Variants in DPP10 observed in about 807,000 individuals in gnomAD.
DPP10 encodes the protein dipeptidyl peptidase like 10, also known as inactive dipeptidyl peptidase 10.
A neutral mutation model predicts 120.9 loss-of-function variants in DPP10; 33 were observed. That is an observed-to-expected ratio of 0.27 (90% CI 0.21 to 0.37). The LOEUF is 0.37. DPP10 is among the 10% of genes least tolerant of loss of function. The pLI is 1.00. For missense variants in DPP10, 816 were observed against 942.8 expected (o/e 0.87, Z 1.76); for synonymous variants, 337 against 326.1 (o/e 1.03, Z -0.36).
intron 1 of DPP10, among the ~76,000 whole-genome samples, chr2:114,757,399 A>G (rs76957038): frequency 0.015 from 2,233 of 149,070 alleles, 75 homozygotes; most frequent in African/African-American, 0.053. Flanking sequence ...AGGGAGGGAG[A>G]GAGAGAGAGG....
chr2:114,732,988 C>A (rs1352981179), intron 1 of DPP10, among the ~76,000 whole-genome samples: 1 of 152,170 alleles, frequency 6.6e-6, no homozygotes, highest in Non-Finnish European at 1.5e-5. Flanking sequence ...ACTGCACCCA[C>A]TGCTGCCTTC....
chr2:115,342,903 C>T (rs1200254307), intron 2 of DPP10, among the ~76,000 whole-genome samples: 1 of 152,074 alleles, frequency 6.6e-6, no homozygotes, highest in Non-Finnish European at 1.5e-5. Context: ...GCCTTTTCAG[C>T]TAGAAAAAAG....
chr2:114,645,454 CA>C (rs1434696281), intron 1 of DPP10, among the ~76,000 whole-genome samples: 5 of 152,178 alleles, frequency 3.3e-5, no homozygotes, highest in African/African-American at 1.2e-4. Context: ...GTACTGTTTA[CA>C]GCACGAGAAC....
intron 2 of DPP10, among the ~76,000 whole-genome samples, chr2:115,310,323 C>CA (rs1434816139): frequency 6.6e-6 from 1 of 152,000 alleles, no homozygotes; most frequent in African/African-American, 2.4e-5. Flanking sequence ...TCCTGATGTA[C>CA]AAAATATGAT....
At chr2:114,649,635 A>AT (rs1292973773) in intron 1 of DPP10, among the ~76,000 whole-genome samples, 1 of 152,070 alleles carries the variant, frequency 6.6e-6, no homozygotes, top group East Asian at 1.9e-4. Flanking sequence ...GGATCCTGAG[A>AT]TTTTTTGAAA....
intron 3 of DPP10, among the ~76,000 whole-genome samples, chr2:115,391,441 A>G (rs556525440): frequency 1.3e-5 from 2 of 152,270 alleles, no homozygotes; most frequent in East Asian, 1.9e-4. Flanking sequence ...TACCAGATGT[A>G]GAAGGAAAGG....
At chr2:115,637,080 G>A (rs1294387881) in intron 5 of DPP10, among the ~76,000 whole-genome samples, 1 of 151,936 alleles carries the variant, frequency 6.6e-6, no homozygotes, top group Non-Finnish European at 1.5e-5. Flanking sequence ...TCTGGGATAA[G>A]CCAAAAACAA....
intron 1 of DPP10, among the ~76,000 whole-genome samples, chr2:115,030,516 C>G (rs1559013482): frequency 6.6e-6 from 1 of 152,052 alleles, no homozygotes; most frequent in Non-Finnish European, 1.5e-5. Flanking sequence ...GGTATGTGTA[C>G]AGAATGTGTA....
chr2:115,343,223 T>C (rs1403100081), intron 2 of DPP10, among the ~76,000 whole-genome samples: 1 of 152,204 alleles, frequency 6.6e-6, no homozygotes, highest in Non-Finnish European at 1.5e-5. Flanking sequence ...AAAAGACTAG[T>C]ATGAAATGTG....
chr2:115,308,693 G>GTTTTTTTTTTTT (rs3068805), intron 1 of DPP10, among the ~76,000 whole-genome samples: 1 of 126,642 alleles, frequency 7.9e-6, no homozygotes, highest in Non-Finnish European at 1.7e-5. Flanking sequence ...ACTAAATCCT[G>GTTTTTTTTTTTT]TTTTTTTTTT....
At chr2:114,886,774 T>C (rs1332626179) in intron 1 of DPP10, among the ~76,000 whole-genome samples, 1 of 152,196 alleles carries the variant, frequency 6.6e-6, no homozygotes, top group East Asian at 1.9e-4. Flanking sequence ...CAATGCCTAT[T>C]CTGCAGTCAT....
At chr2:115,737,154 C>T (rs185369349) in intron 8 of DPP10, among the ~76,000 whole-genome samples, 123 of 152,216 alleles carry the variant, frequency 8.1e-4, no homozygotes, top group African/African-American at 2.7e-3. Flanking sequence ...ACCAGGCCCG[C>T]GTTTATTTCT....
intron 11 of DPP10, among the ~76,000 whole-genome samples, chr2:115,755,050 T>A (rs1679224653): frequency 6.6e-6 from 1 of 152,114 alleles, no homozygotes; most frequent in South Asian, 2.1e-4. Context: ...CACCTCATCA[T>A]GATATAAAAC....
rs2083542515 is a variant in DPP10, at chr2:115,604,101, T to G, written c.441+78129T>G. 5.7e-5 allele frequency among the ~76,000 whole-genome samples: 5 copies of G among 87,420 alleles called. No individual in the cohort carries two copies. In the South Asian group the frequency reaches 1.9e-3, roughly 33 times the overall value. The allele number at this position is 87,420 out of a possible 152,430, so 57.4% of individuals were successfully genotyped here. On this transcript the variant is annotated intron_variant, in intron 5 of 25. Transcript: ENST00000410059. ...GCTGTTTTTTTTTTTTTTTTTTTTT[T>G]TTTTTAAGATGGTAGCTTTTGAGAC... is the stretch of plus-strand genomic sequence containing the variant.
At chr2:115,511,710 C>A (rs1345860883) in intron 4 of DPP10, among the ~76,000 whole-genome samples, 1 of 124,742 alleles carries the variant, frequency 8.0e-6, no homozygotes, top group Non-Finnish European at 1.6e-5. Context: ...CTTTCTTCTT[C>A]TTCTTCTTCT....
At chr2:114,512,712 A>C (rs1573533675) in intron 1 of DPP10, among the ~76,000 whole-genome samples, 1 of 152,210 alleles carries the variant, frequency 6.6e-6, no homozygotes, top group East Asian at 1.9e-4. Flanking sequence ...AGGGAGTACT[A>C]ATTCGTCATC....
At chr2:114,936,686 G>T (rs889000495) in intron 1 of DPP10, among the ~76,000 whole-genome samples, 4 of 152,004 alleles carry the variant, frequency 2.6e-5, no homozygotes, top group Non-Finnish European at 2.9e-5. Context: ...CACTGTAGTT[G>T]TACTATTCAC....
At chr2:114,919,637 G>C (rs147132943) in intron 1 of DPP10, among the ~76,000 whole-genome samples, 39 of 152,246 alleles carry the variant, frequency 2.6e-4, no homozygotes, top group African/African-American at 9.1e-4. Flanking sequence ...GAAATAATCA[G>C]CCAAAGTTTG....
chr2:115,488,991 A>G lies in DPP10; in HGVS notation c.272-10519A>G, dbSNP rs553430024. ...TGTATGGCTATTTTGGAAATCCAAA[A>G]GAACAGTCTTTTAGTTACATTGCAA... On this transcript the variant is annotated intron_variant, in intron 3 of 25. Coordinates refer to ENST00000410059, the MANE Select transcript of DPP10 (RefSeq NM_020868.6). Among the ~76,000 whole-genome samples, 192 of 152,270 alleles carry G rather than the reference A, an allele frequency of 1.3e-3. 2 individuals carry two copies. The highest frequency in any genetic ancestry group is 4.5e-3 in the African/African-American group (189 of 41,566).
Sources: allele counts gnomAD v4.1 joint callset (sites outside exome capture counted in the v4.1 genomes callset), GRCh38; gene constraint gnomAD v4.1.1; transcripts MANE v1.5; gene names NCBI Gene and HGNC (gene_info 2026-07-23, HGNC 2026-07-21).